HERC3: variants seen among roughly 807,000 people sequenced by gnomAD.
HERC3 encodes probable E3 ubiquitin-protein ligase HERC3.
In HERC3, 58 loss-of-function variants were observed where a neutral mutation model predicts 129.9. That is an observed-to-expected ratio of 0.45 (90% CI 0.36 to 0.56). HERC3 has a LOEUF of 0.56. HERC3 is among the 20% of genes least tolerant of loss of function. HERC3 has a pLI of 0.00. For missense variants in HERC3, 835 were observed against 1,244.2 expected, an observed-to-expected ratio of 0.67 and a Z score of 4.95; for synonymous variants, 430 against 451.0, an observed-to-expected ratio of 0.95 and a Z score of 0.59.
intron 3 of HERC3, among the ~76,000 whole-genome samples, chr4:88,626,689 A>G (rs900161587): frequency 6.6e-6 from 1 of 152,134 alleles, no homozygotes; most frequent in African/African-American, 2.4e-5. Flanking sequence ...CACTTCATCT[A>G]AGTTGTCAAA....
At chr4:88,690,315 C>T (rs1028680998) in intron 23 of HERC3, 1 of 984,880 alleles carries the variant, frequency 1.0e-6, no homozygotes, top group Non-Finnish European at 1.2e-6. Context: ...TATGGCAGAT[C>T]ATAAAGCAGA....
chr4:88,597,267 C>T (rs1362381912), intron 2 of HERC3, among the ~76,000 whole-genome samples: 2 of 152,170 alleles, frequency 1.3e-5, no homozygotes, highest in African/African-American at 4.8e-5. Context: ...GTATTAGTCA[C>T]ATTTCAAGTA....
At chr4:88,621,441 T>C in intron 3 of HERC3, among the ~76,000 whole-genome samples, 1 of 152,308 alleles carries the variant, frequency 6.6e-6, no homozygotes, top group African/African-American at 2.4e-5. Context: ...AATGATTATA[T>C]TGTGAAACAA....
the HERC3 span, among the ~76,000 whole-genome samples, chr4:88,578,397 C>T: frequency 6.6e-6 from 1 of 152,028 alleles, no homozygotes; most frequent in East Asian, 1.9e-4. Context: ...GCCTGGCCAA[C>T]ATGGTGAAAC....
the HERC3 span, among the ~76,000 whole-genome samples, chr4:88,546,837 A>G: frequency 1.6e-3 from 240 of 152,324 alleles, 2 homozygotes; most frequent in African/African-American, 5.7e-3. Flanking sequence ...CCTCTGTCAT[A>G]GAGTTTCAGA....
intron 2 of HERC3, among the ~76,000 whole-genome samples, chr4:88,598,599 C>T (rs1722651343): frequency 6.6e-6 from 1 of 152,224 alleles, no homozygotes; most frequent in African/African-American, 2.4e-5. Flanking sequence ...CTGACATTTA[C>T]TGGTCACTTA....
chr4:88,690,201 C>CTT, intron 23 of HERC3: 1 of 980,634 alleles, frequency 1.0e-6, no homozygotes, highest in South Asian at 4.7e-5. Flanking sequence ...AACATTGGTA[C>CTT]TTTTGTTAAC....
In HERC3 at chr4:88,605,871, C is replaced by A. The variant is rs1378703281; in HGVS notation, c.48C>A (p.Thr16=). 5.6e-6 allele frequency: 9 copies of A among 1,614,024 alleles called. No homozygotes were observed. Among genetic ancestry groups the A allele is most frequent in the Non-Finnish European group, 7.6e-6 (9 of 1,180,034 alleles). Residue 16 remains threonine, a synonymous_variant, in exon 3 of 26, where the codon ACC becomes ACA. Transcript: ENST00000402738. ...YWSLGQPGIS[T]NLQGIVAEPQ... Reference sequence around the variant, plus strand: ...CTCTGGGCCAACCTGGTATCAGCACCAACCTGCAGGGAATTGTGGCTGAGC... The same window carrying A: ...CTCTGGGCCAACCTGGTATCAGCACAAACCTGCAGGGAATTGTGGCTGAGC...
In HERC3 at chr4:88,653,079, G is replaced by A. The variant is rs1426952559; in HGVS notation, c.674G>A (p.Ser225Asn). ...GMNNAGQLGL[S>N]DEKDRESPCH... ...AATAATGCCGGGCAGCTAGGGCTCA[G>A]TGATGAAAAAGGTAGGTAAACCCTT... is the stretch of plus-strand genomic sequence containing the variant. The change falls in exon 6 of 26, where the codon AGT becomes AAT. Residue 225 changes from serine (S) to asparagine (N), a missense_variant. Transcript: ENST00000402738. 1 of 1,614,186 alleles carries A rather than the reference G, an allele frequency of 6.2e-7. No individual in the cohort carries two copies. The highest frequency in any genetic ancestry group is 1.1e-5 in the South Asian group (1 of 91,088).
chr4:88,667,582 A>C, intron 13 of HERC3, 94 bp downstream of exon 13: 1 of 708,584 alleles, frequency 1.4e-6, no homozygotes, highest in Non-Finnish European at 2.3e-6. Flanking sequence ...TGAAAAAGTG[A>C]AAGTCTCCAA....
intron 23 of HERC3, chr4:88,690,201 C>T (rs1733931533): frequency 2.0e-6 from 2 of 980,634 alleles, no homozygotes; most frequent in Non-Finnish European, 1.2e-6. Flanking sequence ...AACATTGGTA[C>T]TTTTGTTAAC....
chr4:88,671,398 A>G (rs1008544893), intron 16 of HERC3, among the ~76,000 whole-genome samples: 2 of 152,146 alleles, frequency 1.3e-5, no homozygotes, highest in African/African-American at 4.8e-5. Flanking sequence ...AACAAGAAGG[A>G]TTGTTTTCTT....
chr4:88,620,731 C>T (rs1725422632), intron 3 of HERC3, among the ~76,000 whole-genome samples: 1 of 152,104 alleles, frequency 6.6e-6, no homozygotes, highest in Admixed American at 6.5e-5. Flanking sequence ...TCTTATGGCT[C>T]TTCCCTGGCA....
At chr4:88,556,725 T>TTGCC in the HERC3 span, among the ~76,000 whole-genome samples, 1 of 152,082 alleles carries the variant, frequency 6.6e-6, no homozygotes, top group Non-Finnish European at 1.5e-5. Context: ...TTAGATTCTG[T>TTGCC]TGCCTGCCTG....
At chr4:88,662,621 A>AT (rs1730608798) in intron 11 of HERC3, 66 bp downstream of exon 11, 2 of 1,510,454 alleles carry the variant, frequency 1.3e-6, no homozygotes, top group Non-Finnish European at 9.0e-7. Context: ...GCTTAGTGTG[A>AT]TTTTCCGTAC....
chr4:88,700,688 G>T lies in HERC3; in HGVS notation c.2658-3410G>T, dbSNP rs72867769. Among the ~76,000 whole-genome samples the T allele has an allele frequency of 5.1e-3, 778 of 151,936 alleles. 5 individuals carry two copies. Among genetic ancestry groups the T allele is most frequent in the African/African-American group, 0.018 (751 of 41,470 alleles). On this transcript the variant is annotated intron_variant, in intron 23 of 25. Coordinates refer to ENST00000402738, the MANE Select transcript of HERC3 (RefSeq NM_014606.3). ...TCTCCAGAGAAACAGAACCAACAGG[G>T]TGTGAAGCCGAGGGGGGTGGGGGCA... is the stretch of plus-strand genomic sequence containing the variant.
intron 3 of HERC3, among the ~76,000 whole-genome samples, chr4:88,639,367 C>A (rs1457392057): frequency 6.6e-6 from 1 of 152,152 alleles, no homozygotes; most frequent in Non-Finnish European, 1.5e-5. Flanking sequence ...GTAACCAAAA[C>A]AGCATGGTAC....
the HERC3 span, among the ~76,000 whole-genome samples, chr4:88,560,699 T>C: frequency 1.3e-5 from 2 of 152,170 alleles, no homozygotes; most frequent in Non-Finnish European, 2.9e-5. Context: ...TGTTCTCATG[T>C]AGGAGTTTTA....
chr4:88,653,849 G>A (rs1434609853), intron 6 of HERC3, among the ~76,000 whole-genome samples, 193 bp from the exon 7 acceptor site: 1 of 152,178 alleles, frequency 6.6e-6, no homozygotes, highest in East Asian at 1.9e-4. Context: ...GGGTTGGAGA[G>A]TGTAGGGAAA....
Sources: gnomAD v4.1 joint callset for allele counts (sites outside exome capture counted in the v4.1 genomes callset) on GRCh38, gnomAD v4.1.1 for gene constraint, MANE v1.5 for transcripts, NCBI Gene and HGNC (gene_info 2026-07-23, HGNC 2026-07-21) for gene names.